The following RNF216 variants were observed in gnomAD, a reference collection of about 807,000 sequenced individuals.
The protein encoded by RNF216 is ring finger protein 216, also known as E3 ubiquitin-protein ligase RNF216.
Under a neutral mutation model 110.8 loss-of-function variants are expected in RNF216, and 72 were observed. The observed-to-expected ratio is 0.65, with a 90% CI of 0.54 to 0.79. The LOEUF (loss-of-function observed/expected upper bound fraction) is 0.79. RNF216 is among the 30% of genes least tolerant of loss of function. The pLI is 0.00. For missense variants in RNF216, 1,342 were observed against 1,141.2 expected (o/e 1.18, Z -2.54); for synonymous variants, 495 against 407.5 (o/e 1.21, Z -2.59).
intron 15 of RNF216, among the ~76,000 whole-genome samples, chr7:5,626,623 C>A (rs1786721222): frequency 1.3e-5 from 2 of 150,842 alleles, no homozygotes; most frequent in African/African-American, 4.9e-5. Flanking sequence ...AGTGATCGTG[C>A]TACTGCACTC....
chr7:5,715,219 A>G lies in RNF216; in HGVS notation c.1696-29T>C, dbSNP rs758470395. 8 of 1,607,482 alleles carry G rather than the reference A, an allele frequency of 5.0e-6. No individual in the cohort carries two copies. In the Admixed American group the frequency reaches 6.7e-5, roughly 13 times the overall value. On this transcript the variant is annotated intron_variant, in intron 10 of 16. Coordinates refer to ENST00000389902, the MANE Select transcript of RNF216 (RefSeq NM_207111.4). ...CAGGCAGTCAAGAAACACACATGAA[A>G]TGTCCTGCACTTAAGGAGAGGGGGA... is the stretch of plus-strand genomic sequence containing the variant.
intron 13 of RNF216, among the ~76,000 whole-genome samples, chr7:5,672,122 C>T (rs1224691853): frequency 6.6e-6 from 1 of 152,196 alleles, no homozygotes; most frequent in Admixed American, 6.5e-5. Flanking sequence ...CACGCTGTGC[C>T]CTCTGATCTT....
Position 5,642,330 on chromosome 7 carries a change from C to A in RNF216, c.2160-954G>T, listed in dbSNP as rs535687989. On this transcript the variant is annotated intron_variant, in intron 14 of 16. Coordinates refer to ENST00000389902, the MANE Select transcript of RNF216 (RefSeq NM_207111.4). ...CCGGGTTCAAGAGATTCTCCCACTT[C>A]AGTCTCCCAAGTAGCTGGGATTACA... 2.0e-5 allele frequency among the ~76,000 whole-genome samples: 3 copies of A among 151,974 alleles called. No individual in the cohort carries two copies. The East Asian group carries it at 5.8e-4, about 30-fold the overall frequency.
chr7:5,717,835 T>C (rs567615164), intron 9 of RNF216, among the ~76,000 whole-genome samples: 2 of 151,914 alleles, frequency 1.3e-5, no homozygotes, highest in Admixed American at 6.6e-5. Context: ...CAGGCTGGAG[T>C]GCAGTGGTGC....
intron 3 of RNF216, among the ~76,000 whole-genome samples, chr7:5,752,191 T>TTA (rs1554263296): frequency 6.8e-6 from 1 of 147,624 alleles, no homozygotes; most frequent in Non-Finnish European, 1.5e-5. Context: ...CTCAAAAAAA[T>TTA]AAAAAAAATG....
chr7:5,652,595 A>G (rs1456946870), intron 13 of RNF216, 85 bp from the exon 14 acceptor site: 3 of 868,974 alleles, frequency 3.5e-6, no homozygotes, highest in Non-Finnish European at 5.8e-6. Flanking sequence ...ATATGAAATG[A>G]GCTTTACTTG....
chr7:5,656,618 C>T (rs1788762741), intron 13 of RNF216, among the ~76,000 whole-genome samples: 1 of 152,116 alleles, frequency 6.6e-6, no homozygotes, highest in Admixed American at 6.5e-5. Flanking sequence ...CGCCAGGCCA[C>T]GTTCTTCACG....
intron 13 of RNF216, among the ~76,000 whole-genome samples, chr7:5,687,275 A>C (rs1791042933): frequency 6.6e-6 from 1 of 151,838 alleles, no homozygotes; most frequent in Non-Finnish European, 1.5e-5. Flanking sequence ...GGGCGCCTGT[A>C]ATCTCAGCTA....
At chr7:5,665,018 G>A (rs1307150159) in intron 13 of RNF216, among the ~76,000 whole-genome samples, 1 of 152,108 alleles carries the variant, frequency 6.6e-6, no homozygotes, top group Non-Finnish European at 1.5e-5. Flanking sequence ...GGCTGGTCTT[G>A]AACTCCTGAC....
chr7:5,774,497 T>A (rs903996957), intron 1 of RNF216, among the ~76,000 whole-genome samples: 2 of 152,236 alleles, frequency 1.3e-5, no homozygotes, highest in African/African-American at 4.8e-5. Flanking sequence ...TCAGTTGAAT[T>A]ACATGAAGTT....
chr7:5,731,442 C>A (rs1011057807), intron 5 of RNF216, among the ~76,000 whole-genome samples: 1 of 145,616 alleles, frequency 6.9e-6, no homozygotes, highest in African/African-American at 2.8e-5. Flanking sequence ...AACCCACTAG[C>A]TTTGTCTATT....
chr7:5,767,684 T>C (rs2128676912), intron 1 of RNF216, among the ~76,000 whole-genome samples: 1 of 151,910 alleles, frequency 6.6e-6, no homozygotes, highest in Admixed American at 6.6e-5. Context: ...CTGCAACCTC[T>C]GCCTCCTGGG....
chr7:5,635,872 A>T (rs1311159132), intron 15 of RNF216, among the ~76,000 whole-genome samples: 1 of 152,230 alleles, frequency 6.6e-6, no homozygotes, highest in Non-Finnish European at 1.5e-5. Flanking sequence ...CTAGGCGATA[A>T]TTGTACCAAA....
Position 5,622,928 on chromosome 7 carries a change from G to A in RNF216, c.2704C>T (p.Pro902Ser). 6.2e-7 allele frequency: 1 copy of A among 1,613,854 alleles called. No homozygotes were observed. Among genetic ancestry groups the A allele is most frequent in the Non-Finnish European group, 8.5e-7 (1 of 1,179,980 alleles). Residue 902 changes from proline to serine, a missense_variant, in exon 17 of 17, where the codon CCC becomes TCC. Transcript: ENST00000389902. ...TTGTGCTCCAGGGGCATGTGGATGG[G>A]ACCGAAGTCATAGTTGACCCGCACG... ...PNVRVNYDFG[P>S]IHMPLEHNLP...
chr7:5,752,355 C>G (rs1242246135), intron 3 of RNF216, among the ~76,000 whole-genome samples: 1 of 152,036 alleles, frequency 6.6e-6, no homozygotes, highest in Admixed American at 6.6e-5. Context: ...TATGAAAAGA[C>G]AAAATTTGTT....
chr7:5,632,902 C>G (rs1269213076), intron 15 of RNF216, among the ~76,000 whole-genome samples: 1 of 152,148 alleles, frequency 6.6e-6, no homozygotes, highest in Non-Finnish European at 1.5e-5. Flanking sequence ...GGCAGTGCAC[C>G]CCAAATGCAG....
chr7:5,626,080 T>C (rs1282266557), intron 15 of RNF216, among the ~76,000 whole-genome samples: 3 of 152,016 alleles, frequency 2.0e-5, no homozygotes, highest in Non-Finnish European at 4.4e-5. Context: ...ATTTCAAGAG[T>C]TGCAAAGTGC....
chr7:5,715,330 A>C (rs1322854342), intron 10 of RNF216, 140 bp from the exon 11 acceptor site: 1 of 725,934 alleles, frequency 1.4e-6, no homozygotes, highest in East Asian at 2.5e-5. Context: ...TAAAACAATG[A>C]TATGCTGTTT....
chr7:5,725,123 A>T (rs1283752927), intron 8 of RNF216, among the ~76,000 whole-genome samples: 1 of 152,216 alleles, frequency 6.6e-6, no homozygotes, highest in African/African-American at 2.4e-5. Flanking sequence ...GTTTATCTTA[A>T]GTAGGAAGAA....
Sources: gnomAD v4.1 joint callset for allele counts (sites outside exome capture counted in the v4.1 genomes callset) on GRCh38, gnomAD v4.1.1 for gene constraint, MANE v1.5 for transcripts, NCBI Gene and HGNC (gene_info 2026-07-23, HGNC 2026-07-21) for gene names.